Variants in IPMK observed in about 807,000 individuals in gnomAD.
IPMK encodes inositol 1,3,4,6-tetrakisphosphate 5-kinase.
A neutral mutation model predicts 45.8 loss-of-function variants in IPMK; 17 were observed. The observed-to-expected ratio is 0.37, with a 90% CI of 0.25 to 0.56. The LOEUF (loss-of-function observed/expected upper bound fraction) is 0.56. IPMK is among the 20% of genes least tolerant of loss of function. The pLI, the probability that IPMK is intolerant of heterozygous loss-of-function variation, is 0.79. For synonymous variants in IPMK, 180 were observed against 184.3 expected (o/e 0.98, Z 0.19); for missense variants, 399 against 498.0 (o/e 0.80, Z 1.89).
chr10:58,250,135 T>C (rs1838861013), intron 1 of IPMK, among the ~76,000 whole-genome samples: 1 of 152,240 alleles, frequency 6.6e-6, no homozygotes, highest in African/African-American at 2.4e-5. Flanking sequence ...TCCAGCTTTA[T>C]TCTTTTTGCT....
chr10:58,197,326 A>AATAAATAAATAAATAAATACATACATAC lies in IPMK; in HGVS notation c.629-629_629-628insGTATGTATGTATTTATTTATTTATTTAT, dbSNP rs764500371. Among the ~76,000 whole-genome samples the AATAAATAAATAAATAAATACATACATAC allele has an allele frequency of 2.4e-3, 349 of 146,492 alleles. 3 individuals are homozygous for AATAAATAAATAAATAAATACATACATAC. Among genetic ancestry groups the AATAAATAAATAAATAAATACATACATAC allele is most frequent in the Middle Eastern group, 6.9e-3 (2 of 288 alleles). On this transcript the variant is annotated intron_variant, in intron 5 of 5. Coordinates refer to ENST00000373935, the MANE Select transcript of IPMK (RefSeq NM_152230.5). ...AAATAAATAAATAAATAAATAAATA[A>AATAAATAAATAAATAAATACATACATAC]ATACATAAATACATAAACACATAAA...
At chr10:58,243,178 T>C (rs1564537220) in intron 1 of IPMK, among the ~76,000 whole-genome samples, 1 of 152,190 alleles carries the variant, frequency 6.6e-6, no homozygotes, top group South Asian at 2.1e-4. Context: ...ATTATAACAT[T>C]ATTTACAATA....
intron 4 of IPMK, among the ~76,000 whole-genome samples, chr10:58,211,195 T>G (rs945448268): frequency 4.6e-5 from 7 of 151,518 alleles, no homozygotes; most frequent in African/African-American, 7.3e-5. Flanking sequence ...ACCCGGTTTT[T>G]TTTTTTTTTT....
At chr10:58,248,227 T>A (rs1002282774) in intron 1 of IPMK, among the ~76,000 whole-genome samples, 4 of 148,792 alleles carry the variant, frequency 2.7e-5, no homozygotes, top group South Asian at 2.1e-4. Flanking sequence ...ATAATGAATT[T>A]AAAAAAAAAA....
rs1554825701 is a variant in IPMK at position 58,259,678 on chromosome 10, A to AAACAAAAAAAAAAC, written c.190+7743_190+7744insGTTTTTTTTTTGTT. ...TAAAATCCCATCTCTACATAAAAAA[A>AAACAAAAAAAAAAC]AAAAAAAAACAATTAGCCAGGCATG... On this transcript the variant is annotated intron_variant, in intron 1 of 5. Coordinates refer to ENST00000373935, the MANE Select transcript of IPMK (RefSeq NM_152230.5). Among the ~76,000 whole-genome samples the AAACAAAAAAAAAAC allele has an allele frequency of 3.5e-5, 5 of 144,498 alleles. 1 individual carries two copies. The highest frequency in any genetic ancestry group is 1.3e-4 in the African/African-American group (5 of 37,264). The allele number at this position is 144,498 out of a possible 152,430, so 94.8% of individuals were successfully genotyped here.
chr10:58,253,139 C>T (rs946248074), intron 1 of IPMK, among the ~76,000 whole-genome samples: 1 of 152,126 alleles, frequency 6.6e-6, no homozygotes, highest in African/African-American at 2.4e-5. Context: ...GAATAAGTCT[C>T]TGATAGTTTT....
At chr10:58,245,209 T>C (rs1001549137) in intron 1 of IPMK, among the ~76,000 whole-genome samples, 14 of 150,632 alleles carry the variant, frequency 9.3e-5, no homozygotes, top group South Asian at 2.1e-4. Context: ...ATTACACTTA[T>C]AGGAGATATT....
rs761240396 is a variant in IPMK, at chr10:58,216,182, A to G, written c.509T>C (p.Leu170Ser). 6.8e-6 allele frequency: 11 copies of G among 1,609,236 alleles called. No individual in the cohort carries two copies. The highest frequency in any genetic ancestry group is 5.4e-5 in the African/African-American group (4 of 74,452). The change falls in exon 4 of 6, where the codon TTA becomes TCA. Residue 170 changes from leucine to serine, a missense_variant. Leu to Ser is a moderately radical substitution (Grantham distance 145). This residue lies in a region of IPMK where 288 missense variants were observed against 398.0 expected (regional missense o/e 0.72). Transcript: ENST00000373935. ...KIQQQVSKYP[L>S]MEEIGFLVLG... ...CACCAAGAACCCAATCTCTTCCATT[A>G]ATGGGTACTTGCTGACCTGTTGCTG...
In IPMK at chr10:58,199,230, T is replaced by C. The variant is rs781244561; in HGVS notation, c.628+10A>G. 9.6e-6 allele frequency: 15 copies of C among 1,556,998 alleles called. No individual in the cohort carries two copies. Among genetic ancestry groups the C allele is most frequent in the Non-Finnish European group, 1.2e-5 (14 of 1,135,758 alleles). The stretch of plus-strand genomic sequence containing the variant: ...TTCAATCATAAAAGCATTAGTTTTT[T>C]AGTCCTTACCATCCTTTATAGTTTC... On this transcript the variant is annotated intron_variant, in intron 5 of 5. Transcript: ENST00000373935.
chr10:58,233,536 G>A (rs191416384), intron 2 of IPMK, among the ~76,000 whole-genome samples: 196 of 152,150 alleles, frequency 1.3e-3, no homozygotes, highest in Admixed American at 2.2e-3. Flanking sequence ...ATCAATAAAC[G>A]TAATCCGTCA....
intron 1 of IPMK, among the ~76,000 whole-genome samples, chr10:58,258,166 C>T (rs1431047298): frequency 6.6e-6 from 1 of 151,948 alleles, no homozygotes; most frequent in African/African-American, 2.4e-5. Context: ...AAAAACTAGC[C>T]GGGCATGGTG....
At chr10:58,231,563 T>C (rs191272448) in intron 2 of IPMK, among the ~76,000 whole-genome samples, 1 of 152,300 alleles carries the variant, frequency 6.6e-6, no homozygotes, top group Admixed American at 6.5e-5. Context: ...CAGAATTTCA[T>C]ATCCAGCCAA....
intron 4 of IPMK, chr10:58,212,527 A>G (rs1012745947): frequency 4.9e-6 from 1 of 203,054 alleles, no homozygotes; most frequent in Non-Finnish European, 1.2e-5. Flanking sequence ...GTAATTGCCG[A>G]ATTTGTTAAC....
At chr10:58,241,181 G>T (rs1296398282) in intron 1 of IPMK, among the ~76,000 whole-genome samples, 2 of 152,126 alleles carry the variant, frequency 1.3e-5, no homozygotes, top group African/African-American at 4.8e-5. Context: ...AAGGCAGAAG[G>T]CAGTCTGACT....
chr10:58,222,313 A>C (rs1306879484), intron 3 of IPMK, among the ~76,000 whole-genome samples: 2 of 152,258 alleles, frequency 1.3e-5, no homozygotes, highest in African/African-American at 4.8e-5. Context: ...CACATGATGT[A>C]GTTTACAAGT....
chr10:58,238,861 C>G (rs1298557233), intron 1 of IPMK, among the ~76,000 whole-genome samples: 1 of 147,254 alleles, frequency 6.8e-6, no homozygotes, highest in Admixed American at 6.7e-5. Flanking sequence ...TTTTTTTAAT[C>G]TTAAGACTTA....
Position 58,237,771 on chromosome 10 carries a change from T to C in IPMK, c.234A>G (p.Gln78=), listed in dbSNP as rs570582196. Residue 78 remains glutamine, a synonymous_variant, in exon 2 of 6, where the codon CAA becomes CAG. Transcript: ENST00000373935. ...GCTCTCTTGGGCCCCTTGGAGGTGG[T>C]TGTAACTGTTTCAAAACTGTGCCAT... ...HPDGTVLKQL[Q]PPPRGPRELE... 20 of 1,613,694 alleles carry C rather than the reference T, an allele frequency of 1.2e-5. No homozygotes were observed. The highest frequency in any genetic ancestry group is 2.2e-5 in the East Asian group (1 of 44,858).
intron 4 of IPMK, among the ~76,000 whole-genome samples, chr10:58,207,489 T>C (rs1328068743): frequency 2.0e-5 from 3 of 152,250 alleles, no homozygotes; most frequent in African/African-American, 7.2e-5. Context: ...GTGGTTGTAT[T>C]AGTTTACATT....
At chr10:58,215,646 G>A (rs1838233975) in intron 4 of IPMK, among the ~76,000 whole-genome samples, 1 of 152,090 alleles carries the variant, frequency 6.6e-6, no homozygotes, top group Admixed American at 6.6e-5. Flanking sequence ...CTGAGCTCAA[G>A]CAATCCACCC....
Sources: allele counts gnomAD v4.1 joint callset (sites outside exome capture counted in the v4.1 genomes callset), GRCh38; gene constraint gnomAD v4.1.1; regional missense constraint gnomAD v4.1.1; transcripts MANE v1.5; gene names NCBI Gene and HGNC (gene_info 2026-07-23, HGNC 2026-07-21).